The following NCOR1 variants were observed in gnomAD, a reference collection of about 807,000 sequenced individuals.
NCOR1 encodes nuclear receptor corepressor 1.
Under a neutral mutation model 288.1 loss-of-function variants are expected in NCOR1, and 63 were observed. That is an observed-to-expected ratio of 0.22 (90% CI 0.18 to 0.27). NCOR1 has a LOEUF of 0.27. NCOR1 is among the 10% of genes least tolerant of loss of function. The pLI is 1.00. For synonymous variants in NCOR1, 1,007 were observed against 1,065.9 expected, an observed-to-expected ratio of 0.94 and a Z score of 1.08; for missense variants, 2,397 against 3,019.2, an observed-to-expected ratio of 0.79 and a Z score of 4.83.
At chr17:16,087,129 G>C in intron 22 of NCOR1, 1 of 1,280,298 alleles carries the variant, frequency 7.8e-7, no homozygotes. Context: ...GAACATCTGT[G>C]GGTGGATGGC....
rs556677700 is a variant in NCOR1, at chr17:16,087,837, T to C, written c.3017-1395A>G. On this transcript the variant is annotated intron_variant, in intron 22 of 45. Coordinates refer to ENST00000268712, the MANE Select transcript of NCOR1 (RefSeq NM_006311.4). ...AATTCAAAAATCCTACATAAGCTTA[T>C]AAAAACCATGAATATAACTACAATA... Among the ~76,000 whole-genome samples, 4 of 152,314 alleles carry C rather than the reference T, an allele frequency of 2.6e-5. No individual in the cohort carries two copies. In the South Asian group the frequency reaches 8.3e-4, roughly 32 times the overall value.
At chr17:16,034,976 A>AT in intron 44 of NCOR1, 32 bp from the exon 45 acceptor site, 7 of 1,599,842 alleles carry the variant, frequency 4.4e-6, no homozygotes, top group Non-Finnish European at 5.1e-6. Context: ...AAGTATTAAT[A>AT]TATTAAGTTC....
Position 16,034,833 on chromosome 17 carries a change from A to G in NCOR1, c.7067T>C (p.Val2356Ala). 6.2e-7 allele frequency: 1 copy of G among 1,614,114 alleles called. No homozygotes were observed. The highest frequency in any genetic ancestry group is 8.5e-7 in the Non-Finnish European group (1 of 1,179,998). Residue 2356 changes from valine to alanine, a missense_variant, in exon 45 of 46, where the codon GTA becomes GCA. Coordinates refer to ENST00000268712, the MANE Select transcript of NCOR1 (RefSeq NM_006311.4). Reference sequence around the variant, plus strand: ...CCTATGGTAATCCCCTTCTGAATGTACAGAGGAGACTGAAGAGGGCCGTTC... The same window carrying G: ...CCTATGGTAATCCCCTTCTGAATGTGCAGAGGAGACTGAAGAGGGCCGTTC... ...GTERPSSVSS[V>A]HSEGDYHRQT...
chr17:16,117,834 C>G, intron 18 of NCOR1, 54 bp downstream of exon 18: 1 of 1,566,934 alleles, frequency 6.4e-7, no homozygotes, highest in Non-Finnish European at 8.7e-7. Flanking sequence ...ACAACAACAA[C>G]AACACTCTAA....
chr17:16,202,192 C>A (rs1249314787), intron 1 of NCOR1, among the ~76,000 whole-genome samples: 4 of 149,110 alleles, frequency 2.7e-5, no homozygotes, highest in Non-Finnish European at 5.9e-5. Flanking sequence ...CCACTGCGTT[C>A]CAGCCTGGGC....
chr17:16,211,704 T>G (rs1279092716), intron 1 of NCOR1, among the ~76,000 whole-genome samples: 2 of 152,022 alleles, frequency 1.3e-5, no homozygotes, highest in African/African-American at 2.4e-5. Flanking sequence ...AGGTTGTATC[T>G]GAAGACTATT....
intron 22 of NCOR1, among the ~76,000 whole-genome samples, chr17:16,088,452 T>C (rs2064604126): frequency 6.6e-6 from 1 of 152,192 alleles, no homozygotes; most frequent in Non-Finnish European, 1.5e-5. Flanking sequence ...TAATTTTTTC[T>C]GAAAAACCTA....
Position 16,075,614 on chromosome 17 carries a change from G to A in NCOR1, c.3590C>T (p.Pro1197Leu). ...TGCAGCTTCCTCTCTGCCTTTCTCAGGACTGCTGTCTTCAATGGGCATTCT... is the reference window on the plus strand; with the variant it reads ...TGCAGCTTCCTCTCTGCCTTTCTCAAGACTGCTGTCTTCAATGGGCATTCT... ...ISRMPIEDSS[P>L]EKGREEAASK... Residue 1197 changes from proline to leucine, a missense_variant, in exon 27 of 46, where the codon CCT (proline) becomes CTT (leucine). Coordinates refer to ENST00000268712, the MANE Select transcript of NCOR1 (RefSeq NM_006311.4). 6.2e-7 allele frequency: 1 copy of A among 1,614,156 alleles called. No homozygotes were observed. Among genetic ancestry groups the A allele is most frequent in the Non-Finnish European group, 8.5e-7 (1 of 1,180,030 alleles).
intron 5 of NCOR1, among the ~76,000 whole-genome samples, chr17:16,160,003 T>C (rs2080500999): frequency 6.6e-6 from 1 of 152,076 alleles, no homozygotes; most frequent in Admixed American, 6.6e-5. Flanking sequence ...CTAATTTCTG[T>C]ATTTTTTTAG....
intron 19 of NCOR1, among the ~76,000 whole-genome samples, chr17:16,103,648 G>C (rs2068036558): frequency 3.3e-5 from 5 of 152,196 alleles, no homozygotes; most frequent in Admixed American, 3.3e-4. Context: ...CTTTGTACAT[G>C]CCATTCACCT....
chr17:16,104,481 G>A lies in NCOR1; in HGVS notation c.2183-2724C>T, dbSNP rs114176251. Among the ~76,000 whole-genome samples the A allele has an allele frequency of 4.1e-3, 627 of 152,214 alleles. 7 individuals carry two copies. The highest frequency in any genetic ancestry group is 0.015 in the African/African-American group (605 of 41,530). On this transcript the variant is annotated intron_variant, in intron 19 of 45. Transcript: ENST00000268712. ...GCGTGAAATAGACAACAGTAAATATGTGATATAGGCTGAGAGTGGTGGCTC... is the reference window on the plus strand; with the variant it reads ...GCGTGAAATAGACAACAGTAAATATATGATATAGGCTGAGAGTGGTGGCTC...
intron 23 of NCOR1, among the ~76,000 whole-genome samples, chr17:16,086,043 G>C (rs1378580225): frequency 6.6e-6 from 1 of 152,180 alleles, no homozygotes; most frequent in Non-Finnish European, 1.5e-5. Flanking sequence ...CAAGTGCCAA[G>C]TGTAATTAAA....
chr17:16,136,489 G>A (rs1237302142), intron 14 of NCOR1, among the ~76,000 whole-genome samples: 1 of 152,136 alleles, frequency 6.6e-6, no homozygotes, highest in African/African-American at 2.4e-5. Flanking sequence ...ACTACACCCA[G>A]ACAGAAAAAG....
At chr17:16,195,406 G>A (rs868551347) in intron 1 of NCOR1, among the ~76,000 whole-genome samples, 2 of 152,118 alleles carry the variant, frequency 1.3e-5, no homozygotes, top group Non-Finnish European at 2.9e-5. Context: ...GGAAGGCGGA[G>A]GTTGCAGTGA....
chr17:16,095,457 G>A (rs1218828445), intron 21 of NCOR1, among the ~76,000 whole-genome samples: 11 of 139,592 alleles, frequency 7.9e-5, no homozygotes, highest in Admixed American at 4.2e-4. Context: ...TCAGCCCCCC[G>A]CCCGGCCAGC....
At chr17:16,098,320 G>C (rs2152972475) in intron 21 of NCOR1, 47 bp downstream of exon 21, 1 of 1,582,142 alleles carries the variant, frequency 6.3e-7, no homozygotes, top group Non-Finnish European at 8.7e-7. Context: ...GTCTATAAAG[G>C]TCTCAGTTTT....
At chr17:16,104,845 T>G (rs2068293290) in intron 19 of NCOR1, among the ~76,000 whole-genome samples, 1 of 151,698 alleles carries the variant, frequency 6.6e-6, no homozygotes, top group South Asian at 2.1e-4. Context: ...GAGAAAGAAG[T>G]GGGTGAGGAG....
intron 1 of NCOR1, among the ~76,000 whole-genome samples, chr17:16,208,206 A>ATTTT (rs757019446): frequency 0.01 from 686 of 65,514 alleles, 68 homozygotes; most frequent in Middle Eastern, 0.032. Flanking sequence ...ATGCCCAGCT[A>ATTTT]TTTTTTTTTT....
chr17:16,187,263 A>C (rs1421440982), intron 2 of NCOR1, among the ~76,000 whole-genome samples: 1 of 151,332 alleles, frequency 6.6e-6, no homozygotes, highest in South Asian at 2.1e-4. Flanking sequence ...TCAATCATAA[A>C]CAGAAAAACA....
Sources: allele counts gnomAD v4.1 joint callset (sites outside exome capture counted in the v4.1 genomes callset), GRCh38; gene constraint gnomAD v4.1.1; transcripts MANE v1.5; gene names NCBI Gene and HGNC (gene_info 2026-07-23, HGNC 2026-07-21).